Variants in GPR107 observed in about 807,000 individuals in gnomAD.
The protein encoded by GPR107 is protein GPR107.
A neutral mutation model predicts 75.5 loss-of-function variants in GPR107; 31 were observed. The ratio of observed to expected loss-of-function variants is 0.41; its 90% confidence interval spans 0.31 to 0.55. The LOEUF (loss-of-function observed/expected upper bound fraction) is 0.55, where lower values mean the gene tolerates loss of function less well. Among genes scored for constraint, GPR107 ranks in the 20% least tolerant of loss-of-function variants. The probability of loss-of-function intolerance (pLI) is 0.26; values close to 1 mark genes in which losing one functional copy is unlikely to be tolerated. For missense variants in GPR107, 572 were observed against 665.7 expected (o/e 0.86, Z 1.55); for synonymous variants, 267 against 251.3 (o/e 1.06, Z -0.59).
At position 130,094,393 on chromosome 9, in the gene GPR107, G is replaced by A. The variant is rs184465310; in HGVS notation, c.863+2012G>A. Among the ~76,000 whole-genome samples the A allele has an allele frequency of 2.0e-3, 305 of 152,210 alleles. 4 individuals are homozygous for A. The Middle Eastern group carries it at 0.037, about 19-fold the overall frequency. On this transcript the variant is annotated intron_variant, in intron 9 of 17. Transcript: ENST00000347136. ...TGGGAGGTGGAGCTTGCAGTGAGCT[G>A]AGATTGTGCCACTGCACAAAATTAA...
intron 5 of GPR107, among the ~76,000 whole-genome samples, chr9:130,080,372 A>G (rs1830462765): frequency 1.3e-5 from 2 of 152,214 alleles, no homozygotes; most frequent in Admixed American, 6.5e-5. Context: ...TATCAGAAAT[A>G]TGTAGGAATA....
intron 15 of GPR107, 81 bp downstream of exon 15, chr9:130,125,045 G>A (rs1831639086): frequency 3.2e-6 from 2 of 624,318 alleles, no homozygotes; most frequent in Non-Finnish European, 2.7e-6. Flanking sequence ...CAAAGGATTG[G>A]TGAAAGCACA....
chr9:130,109,990 C>T (rs1047837425), intron 14 of GPR107, among the ~76,000 whole-genome samples: 7 of 152,152 alleles, frequency 4.6e-5, no homozygotes, highest in African/African-American at 1.2e-4. Context: ...ATCCCAAGGG[C>T]GGTGCTTTTT....
rs756266478 is a variant in GPR107, at chr9:130,054,005, C to T, written c.73C>T (p.Pro25Ser). ...PRLAAGLRLL[P>S]MLGLLQLLAE... is the part of the protein sequence containing the mutation. ...GCTGGCCGCGGGCCTCCGGCTGCTC[C>T]CAATGCTGGGTTTGCTGCAGTTGCT... Residue 25 changes from proline to serine, a missense_variant, in exon 1 of 18, where the codon CCA becomes TCA. Physicochemically the swap from Pro to Ser is moderately conservative, Grantham distance 74 (BLOSUM62 -1). Transcript: ENST00000347136. The T allele has an allele frequency of 3.2e-6, 5 of 1,553,840 alleles. No individual in the cohort carries two copies. The highest frequency in any genetic ancestry group is 4.8e-5 in the East Asian group (2 of 41,300).
At chr9:130,132,806 AAT>A (rs199790978) in intron 17 of GPR107, among the ~76,000 whole-genome samples, 14,728 of 132,144 alleles carry the variant, frequency 0.11, 783 homozygotes, top group South Asian at 0.14. Flanking sequence ...ATAAAAAAAA[AAT>A]ATATATATAT....
intron 1 of GPR107, among the ~76,000 whole-genome samples, chr9:130,069,982 C>CTTT: frequency 3.1e-5 from 2 of 64,938 alleles, no homozygotes; most frequent in African/African-American, 1.3e-4. Context: ...CGTGCCTGGC[C>CTTT]TCTTTTTTTT....
chr9:130,081,906 G>T (rs1380856827), intron 5 of GPR107, among the ~76,000 whole-genome samples: 1 of 151,854 alleles, frequency 6.6e-6, no homozygotes, highest in East Asian at 1.9e-4. Context: ...AAAAAGAAGA[G>T]GTTTAATTGT....
chr9:130,066,950 C>T (rs1489081430), intron 1 of GPR107, among the ~76,000 whole-genome samples: 1 of 151,596 alleles, frequency 6.6e-6, no homozygotes, highest in Non-Finnish European at 1.5e-5. Flanking sequence ...GGCGCCACTG[C>T]ACTCCAGCCT....
intron 17 of GPR107, 43 bp downstream of exon 17, chr9:130,128,804 G>T: frequency 6.3e-7 from 1 of 1,598,858 alleles, no homozygotes; most frequent in Admixed American, 1.7e-5. Flanking sequence ...TGACCCCTTT[G>T]CCTAACACAA....
chr9:130,085,753 G>GTTTTTTTTTTTTTTTTTTTTTTTT (rs1189602398), intron 6 of GPR107, among the ~76,000 whole-genome samples: 1 of 32,260 alleles, frequency 3.1e-5, no homozygotes, highest in African/African-American at 1.3e-4. Context: ...GCAATATTTT[G>GTTTTTTTTTTTTTTTTTTTTTTTT]ATTTTTTTTT....
rs1360086232 is a variant in GPR107, at chr9:130,086,455, T to A, written c.600T>A (p.Asn200Lys). Residue 200 changes from asparagine to lysine, a missense_variant, in exon 7 of 18, where the codon AAT (asparagine) becomes AAA (lysine). Physicochemically the swap from Asn to Lys is moderately conservative, Grantham distance 94. Transcript: ENST00000347136. Reference sequence around the variant, plus strand: ...AGAAATCCTTTTCTGTTCATAATAATGGTGGGGCAGTGTCATTTCAGGTAT... The same window carrying A: ...AGAAATCCTTTTCTGTTCATAATAAAGGTGGGGCAGTGTCATTTCAGGTAT... ...MGEKSFSVHN[N>K]GGAVSFQFFF... The A allele has an allele frequency of 1.3e-6, 2 of 1,557,344 alleles. No individual in the cohort carries two copies. The highest frequency in any genetic ancestry group is 1.8e-6 in the Non-Finnish European group (2 of 1,128,488).
chr9:130,132,482 T>A (rs1243352307), intron 17 of GPR107, among the ~76,000 whole-genome samples: 1 of 152,200 alleles, frequency 6.6e-6, no homozygotes, highest in Non-Finnish European at 1.5e-5. Context: ...ACTGGCTGGA[T>A]GTATTAAAAT....
intron 1 of GPR107, among the ~76,000 whole-genome samples, chr9:130,071,557 C>T (rs1218439404): frequency 1.3e-5 from 2 of 152,066 alleles, no homozygotes; most frequent in Admixed American, 1.3e-4. Flanking sequence ...CTTAACCACA[C>T]TGAGCTGAGC....
rs779837701 is a variant in GPR107 at position 130,077,394 on chromosome 9, G to T, written c.386+16G>T. On this transcript the variant is annotated intron_variant, in intron 4 of 17. Transcript: ENST00000347136. ...CCAGAAGTGAGTAAGTAATTCTAAA[G>T]TTCCTTCAGTTCAGTCCTAGAGTAG... is the stretch of plus-strand genomic sequence containing the variant. 7 of 1,214,816 alleles carry T rather than the reference G, an allele frequency of 5.8e-6. No individual in the cohort carries two copies. The highest frequency in any genetic ancestry group is 8.6e-6 in the Non-Finnish European group (7 of 815,316). 75.3% of individuals were successfully genotyped at this position (1,214,816 alleles called of 1,614,324 possible).
At chr9:130,077,216 G>T (rs1380680197) in intron 3 of GPR107, 83 bp from the exon 4 acceptor site, 1 of 799,094 alleles carries the variant, frequency 1.3e-6, no homozygotes, top group East Asian at 2.4e-5. Flanking sequence ...TTTGAGCCAC[G>T]TATTTGCTAT....
chr9:130,082,711 C>T (rs1830522641), intron 5 of GPR107, among the ~76,000 whole-genome samples: 1 of 151,998 alleles, frequency 6.6e-6, no homozygotes, highest in Non-Finnish European at 1.5e-5. Context: ...AATCTCCTGA[C>T]CTCATGATCC....
chr9:130,063,448 C>G (rs1047688982), intron 1 of GPR107, among the ~76,000 whole-genome samples: 21 of 152,172 alleles, frequency 1.4e-4, no homozygotes, highest in African/African-American at 5.1e-4. Flanking sequence ...CCTTGGCCTC[C>G]CAAAGTGCTG....
chr9:130,133,553 C>T (rs980396593), intron 17 of GPR107, among the ~76,000 whole-genome samples: 5 of 152,144 alleles, frequency 3.3e-5, no homozygotes, highest in African/African-American at 7.2e-5. Context: ...CCTGCATCCC[C>T]GTCTAGAGAA....
rs1564676142 is a variant in GPR107 at position 130,104,493 on chromosome 9, ACTCT to A, written c.1208_1211del (p.Ser403TyrfsTer37). ...ACGACTGAATATGGCTTGTGGAAGG[ACTCT>A]CTATTTCTGGTCGACCTGTTGTGTT... On this transcript the variant is annotated frameshift_variant, in exon 13 of 18. Coordinates refer to ENST00000347136, the MANE Select transcript of GPR107 (RefSeq NM_020960.5). LOFTEE classifies it high-confidence loss of function. 1 of 1,612,464 alleles carries A rather than the reference ACTCT, an allele frequency of 6.2e-7. No homozygotes were observed. The highest frequency in any genetic ancestry group is 8.5e-7 in the Non-Finnish European group (1 of 1,178,930).
Sources: allele counts gnomAD v4.1 joint callset (sites outside exome capture counted in the v4.1 genomes callset), GRCh38; gene constraint gnomAD v4.1.1; transcripts MANE v1.5; gene names NCBI Gene and HGNC (gene_info 2026-07-23, HGNC 2026-07-21).